Variants in SLC8A3 observed in about 807,000 individuals in gnomAD.
SLC8A3 encodes the protein sodium/calcium exchanger 3.
SLC8A3 carries 37 observed loss-of-function variants against 65.4 expected under a neutral mutation model. The ratio of observed to expected loss-of-function variants is 0.57; its 90% CI spans 0.44 to 0.74. The LOEUF is 0.74. Ranked by LOEUF, SLC8A3 falls within the 30% of genes least tolerant of loss-of-function variation. The pLI is 0.00. For missense variants in SLC8A3, 1,112 were observed against 1,172.1 expected (o/e 0.95, Z 0.75); for synonymous variants, 461 against 444.5 (o/e 1.04, Z -0.47).
At chr14:70,180,460 C>A (rs1259055308) in intron 1 of SLC8A3, among the ~76,000 whole-genome samples, 1 of 152,132 alleles carries the variant, frequency 6.6e-6, no homozygotes, top group African/African-American at 2.4e-5. Flanking sequence ...AGACTCCCAG[C>A]AGATCTAGCT....
chr14:70,139,547 G>A (rs1594745931), intron 2 of SLC8A3, among the ~76,000 whole-genome samples: 1 of 152,166 alleles, frequency 6.6e-6, no homozygotes, highest in African/African-American at 2.4e-5. Context: ...AGGCGAGGAG[G>A]AACAGTAGCG....
chr14:70,100,234 T>C (rs998003068), intron 2 of SLC8A3, among the ~76,000 whole-genome samples: 2 of 152,204 alleles, frequency 1.3e-5, no homozygotes, highest in Non-Finnish European at 2.9e-5. Context: ...AGGTCAAGGT[T>C]AAACCTGGAT....
chr14:70,076,050 C>A (rs964487186), intron 2 of SLC8A3, among the ~76,000 whole-genome samples: 6 of 152,166 alleles, frequency 3.9e-5, no homozygotes, highest in Non-Finnish European at 7.3e-5. Flanking sequence ...CCCCACTCCC[C>A]CACTCACCTT....
intron 2 of SLC8A3, among the ~76,000 whole-genome samples, chr14:70,100,850 CTA>C (rs1892506915): frequency 1.3e-5 from 2 of 152,230 alleles, no homozygotes; most frequent in Admixed American, 1.3e-4. Flanking sequence ...GCCTCTGGTA[CTA>C]TGAGCATTGC....
intron 2 of SLC8A3, among the ~76,000 whole-genome samples, chr14:70,122,910 A>G (rs1476065535): frequency 6.6e-6 from 1 of 151,490 alleles, no homozygotes; most frequent in Non-Finnish European, 1.5e-5. Flanking sequence ...TGTCTCTACT[A>G]AAAATACAAA....
rs556532044 is a variant in SLC8A3, at chr14:70,164,432, C to G, written c.1784+2207G>C. On this transcript the variant is annotated intron_variant, in intron 2 of 6. Coordinates refer to ENST00000356921, the MANE Select transcript of SLC8A3 (RefSeq NM_182932.3). ...ATAAATGAAAAGGGATGGATGGGAACATAGATTTGTTCACCAAACCCTAGA... is the reference window on the plus strand; with the variant it reads ...ATAAATGAAAAGGGATGGATGGGAAGATAGATTTGTTCACCAAACCCTAGA... 6.6e-5 allele frequency among the ~76,000 whole-genome samples: 10 copies of G among 152,188 alleles called. 1 individual carries two copies. In the South Asian group the frequency reaches 1.9e-3, roughly 28 times the overall value.
chr14:70,189,041 C>G (rs1253380576), upstream of SLC8A3: 1 of 152,224 alleles, frequency 6.6e-6, no homozygotes, highest in Non-Finnish European at 1.5e-5. Context: ...CCAAACGGAA[C>G]GTCACCCTAT....
chr14:70,164,793 C>T (rs1897077802), intron 2 of SLC8A3, among the ~76,000 whole-genome samples: 1 of 152,164 alleles, frequency 6.6e-6, no homozygotes, highest in African/African-American at 2.4e-5. Flanking sequence ...TATCTTCTTC[C>T]ACACTGACAT....
chr14:70,098,482 G>A (rs1381215538), intron 2 of SLC8A3, among the ~76,000 whole-genome samples: 1 of 152,194 alleles, frequency 6.6e-6, no homozygotes, highest in African/African-American at 2.4e-5. Flanking sequence ...GCAGAAGAAA[G>A]TGTCTGCGAG....
chr14:70,072,724 T>C (rs546928885), intron 2 of SLC8A3, among the ~76,000 whole-genome samples: 1 of 152,196 alleles, frequency 6.6e-6, no homozygotes, highest in Non-Finnish European at 1.5e-5. Flanking sequence ...CTCGACTCAC[T>C]GCAACCTTTG....
intron 2 of SLC8A3, among the ~76,000 whole-genome samples, chr14:70,112,493 G>T (rs1893374242): frequency 6.6e-6 from 1 of 152,162 alleles, no homozygotes; most frequent in South Asian, 2.1e-4. Context: ...CAATTCACAG[G>T]TTTCACAGCT....
chr14:70,050,768 T>C (rs1490047750), intron 5 of SLC8A3, among the ~76,000 whole-genome samples: 4 of 152,144 alleles, frequency 2.6e-5, no homozygotes, highest in South Asian at 4.1e-4. Flanking sequence ...AAAGAGGACA[T>C]TGAGGTCAGA....
chr14:70,084,650 A>G (rs7159009), intron 2 of SLC8A3, among the ~76,000 whole-genome samples: 135,640 of 152,236 alleles, frequency 0.89, 60,680 homozygotes, highest in East Asian at 1. Context: ...TTGGAGCATG[A>G]CATTAAGAGA....
rs543288741 is a variant in SLC8A3, at chr14:70,107,589, T to C, written c.1785-46650A>G. On this transcript the variant is annotated intron_variant, in intron 2 of 6. Transcript: ENST00000356921. Reference sequence around the variant, plus strand: ...AGTAGATTAATTCATGCGAATACCATCCAGTGGGGTCCTAACACAATCACA... The same window carrying C: ...AGTAGATTAATTCATGCGAATACCACCCAGTGGGGTCCTAACACAATCACA... Among the ~76,000 whole-genome samples, 124 of 152,202 alleles carry C rather than the reference T, an allele frequency of 8.1e-4. 5 individuals carry two copies. In the South Asian group the frequency reaches 0.025, roughly 31 times the overall value.
Position 70,055,187 on chromosome 14 carries a change from A to G in SLC8A3, c.1889-3073T>C, listed in dbSNP as rs899834976. Reference sequence around the variant, plus strand: ...TATTTCCAGCCAGAACACTGCCCCAATCCCCCATCCTAATTCATCTTGTTC... The same window carrying G: ...TATTTCCAGCCAGAACACTGCCCCAGTCCCCCATCCTAATTCATCTTGTTC... On this transcript the variant is annotated intron_variant, in intron 3 of 6. Transcript: ENST00000356921. Among the ~76,000 whole-genome samples the G allele has an allele frequency of 4.6e-5, 7 of 152,154 alleles. No homozygotes were observed. In the East Asian group the frequency reaches 7.7e-4, roughly 17 times the overall value.
At chr14:70,186,918 T>C (rs148326404) in intron 1 of SLC8A3, among the ~76,000 whole-genome samples, 33 of 152,196 alleles carry the variant, frequency 2.2e-4, no homozygotes, top group Non-Finnish European at 3.7e-4. Context: ...TATTTGAAAA[T>C]CGAGGTAAAC....
intron 2 of SLC8A3, among the ~76,000 whole-genome samples, chr14:70,157,704 T>C (rs569971456): frequency 2.6e-5 from 4 of 152,286 alleles, no homozygotes; most frequent in African/African-American, 9.6e-5. Flanking sequence ...GCTACCTCAG[T>C]CCCCAATGGC....
At chr14:70,163,764 C>A (rs1897018434) in intron 2 of SLC8A3, among the ~76,000 whole-genome samples, 1 of 152,168 alleles carries the variant, frequency 6.6e-6, no homozygotes, top group African/African-American at 2.4e-5. Flanking sequence ...TAAGTTGGGG[C>A]CCGCAGCATC....
chr14:70,185,892 G>A (rs1359036983), intron 1 of SLC8A3, among the ~76,000 whole-genome samples: 1 of 152,220 alleles, frequency 6.6e-6, no homozygotes, highest in Non-Finnish European at 1.5e-5. Flanking sequence ...TCTGGACTTA[G>A]CACATGCCTG....
Sources: allele counts gnomAD v4.1 joint callset (sites outside exome capture counted in the v4.1 genomes callset), GRCh38; gene constraint gnomAD v4.1.1; transcripts MANE v1.5; gene names NCBI Gene and HGNC (gene_info 2026-07-23, HGNC 2026-07-21).